FGD6: variants seen among roughly 807,000 people sequenced by gnomAD.
FGD6 encodes FYVE, RhoGEF and PH domain containing 6, also known as FYVE, RhoGEF and PH domain-containing protein 6.
In FGD6, 90 loss-of-function variants were observed where a neutral mutation model predicts 149.4. The observed-to-expected ratio is 0.60, with a 90% CI of 0.51 to 0.72. The LOEUF (loss-of-function observed/expected upper bound fraction) is 0.72. Ranked by LOEUF, FGD6 falls within the 30% of genes least tolerant of loss-of-function variation. The pLI is 0.00. For synonymous variants in FGD6, 527 were observed against 584.0 expected, an observed-to-expected ratio of 0.90 and a Z score of 1.41; for missense variants, 1,437 against 1,684.8, an observed-to-expected ratio of 0.85 and a Z score of 2.57.
chr12:95,106,215 G>T (rs572779824), intron 13 of FGD6, among the ~76,000 whole-genome samples: 2 of 151,690 alleles, frequency 1.3e-5, no homozygotes, highest in African/African-American at 4.8e-5. Context: ...TCCTGCCTCA[G>T]CCTCCCAAAG....
chr12:95,081,627 A>G, intron 20 of FGD6, 71 bp from the exon 21 acceptor site: 1 of 1,012,236 alleles, frequency 9.9e-7, no homozygotes, highest in Non-Finnish European at 1.5e-6. Flanking sequence ...TATAGATGAC[A>G]GCTGGGCCTG....
chr12:95,120,026 C>T (rs1769926916), intron 8 of FGD6, among the ~76,000 whole-genome samples: 2 of 151,742 alleles, frequency 1.3e-5, no homozygotes, highest in Admixed American at 6.6e-5. Flanking sequence ...GTCAGGAGTT[C>T]GAGACCTCCC....
chr12:95,171,956 T>C (rs938178854), intron 3 of FGD6, among the ~76,000 whole-genome samples: 12 of 146,600 alleles, frequency 8.2e-5, no homozygotes, highest in Non-Finnish European at 1.6e-4. Context: ...CCCAAAATAA[T>C]TTGAGTCTAA....
chr12:95,113,100 C>T (rs1878886779), intron 9 of FGD6, among the ~76,000 whole-genome samples: 1 of 152,172 alleles, frequency 6.6e-6, no homozygotes, highest in Non-Finnish European at 1.5e-5. Context: ...TCGCAAGAGG[C>T]TGGTTCCCAT....
At chr12:95,149,912 AT>A (rs1473143717) in intron 5 of FGD6, among the ~76,000 whole-genome samples, 2 of 146,424 alleles carry the variant, frequency 1.4e-5, no homozygotes, top group Non-Finnish European at 3.0e-5. Context: ...ATACTATATA[AT>A]TATATATACA....
At chr12:95,143,299 T>G (rs578055998) in intron 5 of FGD6, among the ~76,000 whole-genome samples, 5 of 152,078 alleles carry the variant, frequency 3.3e-5, no homozygotes, top group Non-Finnish European at 7.4e-5. Flanking sequence ...TTTTGTTTTT[T>G]TTTTTTTTAA....
rs139502708 is a variant in FGD6, at chr12:95,210,545, T to C, written c.739A>G (p.Ser247Gly). Residue 247 changes from serine (S) to glycine (G), a missense_variant, in exon 2 of 21, where the codon AGT (serine) becomes GGT (glycine). By Grantham distance (56) the Ser-to-Gly change is moderately conservative. Around this residue, in one of 2 missense-constraint regions of FGD6, gnomAD observed 1,055 missense variants for 1,146.0 expected, o/e 0.92. Transcript: ENST00000343958. Reference protein sequence around the residue: ...DHHSCHLQLPSDECEHFETCQ... With the variant: ...DHHSCHLQLPGDECEHFETCQ... ...GTTTCAAAATGTTCACATTCATCAC[T>C]AGGAAGCTGTAAGTGGCAACTGTGA... The C allele has an allele frequency of 1.1e-4, 173 of 1,614,002 alleles. No individual in the cohort carries two copies. Among genetic ancestry groups the C allele is most frequent in the Non-Finnish European group, 1.3e-4 (155 of 1,180,022 alleles).
In FGD6 at chr12:95,217,464, T is replaced by A; in HGVS notation, c.-224A>T. 1 of 564,924 alleles carries A rather than the reference T, an allele frequency of 1.8e-6. No homozygotes were observed. The highest frequency in any genetic ancestry group is 2.8e-6 in the Non-Finnish European group (1 of 351,156). 35.0% of individuals were successfully genotyped at this position (564,924 alleles called of 1,614,324 possible). On this transcript the variant is annotated 5_prime_UTR_variant, in exon 1 of 21. Transcript: ENST00000343958. ...CCGCCGGGGTCGGGCGGGCGAGCAC[T>A]AGCACCGCCCCGCAGAGCGGCAGGC...
Position 95,217,361 on chromosome 12 carries a change from C to G in FGD6, c.-121G>C. 1 of 1,359,296 alleles carries G rather than the reference C, an allele frequency of 7.4e-7. No individual in the cohort carries two copies. The highest frequency in any genetic ancestry group is 3.0e-5 in the East Asian group (1 of 33,518). 84.2% of individuals were successfully genotyped at this position (1,359,296 alleles called of 1,614,324 possible). On this transcript the variant is annotated 5_prime_UTR_variant, in exon 1 of 21. Transcript: ENST00000343958. Reference sequence around the variant, plus strand: ...CCCGCAGCGCCCACATTCCGTCCCGCCGCCCCGCGGCGCAGCCTGAGCGCC... The same window carrying G: ...CCCGCAGCGCCCACATTCCGTCCCGGCGCCCCGCGGCGCAGCCTGAGCGCC...
intron 8 of FGD6, among the ~76,000 whole-genome samples, chr12:95,120,931 T>C (rs1432918076): frequency 1.3e-5 from 2 of 152,138 alleles, no homozygotes; most frequent in Admixed American, 6.5e-5. Context: ...GCTCTTTTTT[T>C]CTAAGTTATT....
At chr12:95,147,013 C>T (rs1880037979) in intron 5 of FGD6, among the ~76,000 whole-genome samples, 1 of 152,042 alleles carries the variant, frequency 6.6e-6, no homozygotes, top group Non-Finnish European at 1.5e-5. Flanking sequence ...CTGTCCTGAC[C>T]CAGCTGCCTG....
At chr12:95,150,930 A>G (rs1251181527) in intron 5 of FGD6, among the ~76,000 whole-genome samples, 1 of 152,120 alleles carries the variant, frequency 6.6e-6, no homozygotes, top group Non-Finnish European at 1.5e-5. Context: ...ACCCATCTCC[A>G]CTAAAAATAC....
intron 19 of FGD6, among the ~76,000 whole-genome samples, chr12:95,085,012 C>T (rs554538493): frequency 6.6e-6 from 1 of 152,222 alleles, no homozygotes; most frequent in South Asian, 2.1e-4. Flanking sequence ...AGTGTGGACC[C>T]TACAGCAGTG....
At chr12:95,100,780 C>G (rs895902697) in intron 14 of FGD6, 3 of 459,826 alleles carry the variant, frequency 6.5e-6, no homozygotes, top group Admixed American at 2.5e-5. Context: ...TAGTGATGAG[C>G]GAACAGAAAA....
At chr12:95,115,897 C>G (rs569776988) in intron 8 of FGD6, among the ~76,000 whole-genome samples, 3 of 152,288 alleles carry the variant, frequency 2.0e-5, no homozygotes, top group East Asian at 3.9e-4. Flanking sequence ...TTATAAATAT[C>G]CAGCACTGGC....
At chr12:95,092,963 G>A in intron 15 of FGD6, 118 bp from the exon 16 acceptor site, 1 of 1,176,684 alleles carries the variant, frequency 8.5e-7, no homozygotes, top group Non-Finnish European at 1.2e-6. Context: ...GCTCACGCCT[G>A]TAATCCCAGC....
chr12:95,210,375 A>C lies in FGD6; in HGVS notation c.909T>G (p.Ile303Met). Residue 303 changes from isoleucine (I) to methionine (M), a missense_variant, in exon 2 of 21, where the codon ATT (isoleucine) becomes ATG (methionine). Ile to Met is a conservative substitution (Grantham distance 10). This residue lies in a region of FGD6 where 1,055 missense variants were observed against 1,146.0 expected (regional missense o/e 0.92). Coordinates refer to ENST00000343958, the MANE Select transcript of FGD6 (RefSeq NM_018351.4). ...ATTTTGGGGTATATGGTACTAAATG[A>C]ATTTCTAAGGGACCAAGGTCTTTGA... ...SEVKDLGPLEIHLVPYTPKFP... is the reference protein window; with the variant it reads ...SEVKDLGPLEMHLVPYTPKFP... 1 of 1,613,550 alleles carries C rather than the reference A, an allele frequency of 6.2e-7. No individual in the cohort carries two copies. The highest frequency in any genetic ancestry group is 8.5e-7 in the Non-Finnish European group (1 of 1,179,908).
At position 95,210,261 on chromosome 12, in the gene FGD6, C is replaced by T. The variant is rs777996730; in HGVS notation, c.1023G>A (p.Pro341=). Residue 341 remains proline (P), a synonymous_variant, in exon 2 of 21, where the codon CCG becomes CCA. Transcript: ENST00000343958. ...AGGAAGAGCTACTGTCTGAATTCCC[C>T]GGTTCTTCAGTGCTTTCACTAGGAG... ...VDTPSESTEE[P]GNSDSSSSCL... is the part of the protein sequence containing the mutation. 8.7e-6 allele frequency: 14 copies of T among 1,613,880 alleles called. No individual in the cohort carries two copies. Among genetic ancestry groups the T allele is most frequent in the South Asian group, 1.1e-5 (1 of 91,054 alleles).
intron 5 of FGD6, among the ~76,000 whole-genome samples, chr12:95,152,380 A>C (rs142202503): frequency 3.9e-5 from 6 of 152,186 alleles, no homozygotes; most frequent in Non-Finnish European, 8.8e-5. Flanking sequence ...AAATAGAACT[A>C]AAACTTAGTT....
Sources: gnomAD v4.1 joint callset for allele counts (sites outside exome capture counted in the v4.1 genomes callset) on GRCh38, gnomAD v4.1.1 for gene constraint, gnomAD v4.1.1 regional missense constraint, MANE v1.5 for transcripts, NCBI Gene and HGNC (gene_info 2026-07-23, HGNC 2026-07-21) for gene names.